ASAP2: variants seen among roughly 807,000 people sequenced by gnomAD.
ASAP2 encodes the protein ArfGAP with SH3 domain, ankyrin repeat and PH domain 2.
In ASAP2, 45 loss-of-function variants were observed where a neutral mutation model predicts 131.4. The observed-to-expected ratio is 0.34, with a 90% CI of 0.27 to 0.44. ASAP2 has a LOEUF of 0.44. Ranked by LOEUF, ASAP2 falls within the 20% of genes least tolerant of loss-of-function variation. ASAP2 has a pLI of 1.00. For missense variants in ASAP2, 1,011 were observed against 1,297.0 expected (o/e 0.78, Z 3.39); for synonymous variants, 510 against 503.0 (o/e 1.01, Z -0.19).
chr2:9,217,820 T>C lies in ASAP2; in HGVS notation c.126+10590T>C, dbSNP rs1243142411. 1.3e-5 allele frequency among the ~76,000 whole-genome samples: 2 copies of C among 151,944 alleles called. No homozygotes were observed. The highest frequency in any genetic ancestry group is 4.8e-5 in the African/African-American group (2 of 41,380). On this transcript the variant is annotated intron_variant, in intron 1 of 27. Coordinates refer to ENST00000281419, the MANE Select transcript of ASAP2 (RefSeq NM_003887.3). The surrounding 1 kb of genome is among the most constrained non-coding windows in gnomAD (Gnocchi z 4.0). ...TAGTAGAGACGGGGTTTCACTGTGT[T>C]AGCCAGGATGGTCTTGATCTCCTGA...
intron 1 of ASAP2, among the ~76,000 whole-genome samples, chr2:9,258,244 C>CAA (rs34722605): frequency 0.052 from 6,758 of 129,542 alleles, 465 homozygotes; most frequent in African/African-American, 0.16. Context: ...TACTTCATCT[C>CAA]AAAAAAAAAA....
rs1195375129 is a variant in ASAP2 at position 9,207,317 on chromosome 2, CT to C, written c.126+90del. The C allele has an allele frequency of 7.0e-7, 1 of 1,426,528 alleles. No homozygotes were observed. The highest frequency in any genetic ancestry group is 9.2e-7 in the Non-Finnish European group (1 of 1,089,754). The allele number at this position is 1,426,528 out of a possible 1,614,324, so 88.4% of individuals were successfully genotyped here. A position where few individuals can be genotyped will look rare whatever the true frequency, so the allele number is the denominator to read the frequency against. ...CTCCCGCATCCGCATCCCGAGAAAA[CT>C]TTCTTTGCTCCGAAGCCGGACGCGG... On this transcript the variant is annotated intron_variant, in intron 1 of 27. Transcript: ENST00000281419. The surrounding 1 kb of genome is among the most constrained non-coding windows in gnomAD (Gnocchi z 4.1).
In ASAP2 at chr2:9,223,797, G is replaced by A. The variant is rs187989888; in HGVS notation, c.126+16567G>A. Among the ~76,000 whole-genome samples the A allele has an allele frequency of 3.7e-3, 567 of 152,242 alleles. 2 individuals are homozygous for A. Among genetic ancestry groups the A allele is most frequent in the African/African-American group, 0.013 (546 of 41,534 alleles). On this transcript the variant is annotated intron_variant, in intron 1 of 27. Coordinates refer to ENST00000281419, the MANE Select transcript of ASAP2 (RefSeq NM_003887.3). ...TACAGCTAAGGCCAATGGGAGGGAG[G>A]GGAAGAGAGGAGTTAGACCAGCTTA...
chr2:9,254,034 C>T lies in ASAP2; in HGVS notation c.127-25283C>T, dbSNP rs74901074. 3.3e-5 allele frequency among the ~76,000 whole-genome samples: 5 copies of T among 150,452 alleles called. No homozygotes were observed. In the South Asian group the frequency reaches 6.3e-4, roughly 19 times the overall value. On this transcript the variant is annotated intron_variant, in intron 1 of 27. Transcript: ENST00000281419. ...CAGCCTGGCCAATATAGTGAAACCC[C>T]GTCTCTACTAAAAATACAAAAATTA...
chr2:9,334,926 A>T lies in ASAP2; in HGVS notation c.762+113A>T. ...TTTTCATGCCGTGCCGCCCACGTGG[A>T]GTGTGGCGTTCCCACGCCTGTCCTC... On this transcript the variant is annotated intron_variant, in intron 8 of 27. Coordinates refer to ENST00000281419, the MANE Select transcript of ASAP2 (RefSeq NM_003887.3). The T allele has an allele frequency of 2.2e-6, 3 of 1,378,940 alleles. No individual in the cohort carries two copies. The South Asian group carries it at 3.6e-5, about 17-fold the overall frequency. The allele number at this position is 1,378,940 out of a possible 1,614,324, so 85.4% of individuals were successfully genotyped here. A position where few individuals can be genotyped will look rare whatever the true frequency, so the allele number is the denominator to read the frequency against.
intron 2 of ASAP2, among the ~76,000 whole-genome samples, chr2:9,291,806 G>T (rs546468350): frequency 1.3e-5 from 2 of 152,234 alleles, no homozygotes; most frequent in East Asian, 3.9e-4. Context: ...CATAAGGCTG[G>T]TGCACCCTGC....
At chr2:9,342,431 T>C (rs1671651707) in intron 9 of ASAP2, among the ~76,000 whole-genome samples, 1 of 152,206 alleles carries the variant, frequency 6.6e-6, no homozygotes, top group Admixed American at 6.5e-5. Context: ...TTCAACAAAT[T>C]GTGCTGGGGC....
chr2:9,380,407 AGGCT>A (rs1373187693), intron 19 of ASAP2, among the ~76,000 whole-genome samples: 3 of 152,142 alleles, frequency 2.0e-5, no homozygotes, highest in African/African-American at 4.8e-5. Context: ...CATGTTGGCC[AGGCT>A]GGTCTCGAAC....
Position 9,286,447 on chromosome 2 carries a change from A to AAAAAAT in ASAP2, c.199+7059_199+7060insAAAATA, listed in dbSNP as rs58605449. Among the ~76,000 whole-genome samples, 281 of 148,462 alleles carry AAAAAAT rather than the reference A, an allele frequency of 1.9e-3. 1 individual carries two copies. The highest frequency in any genetic ancestry group is 6.7e-3 in the African/African-American group (265 of 39,554). ...TTTTTTTTAAAAAAGGAAAAAAAAAAATATATATATATATACTGTATCTGA... is the reference window on the plus strand; with the variant it reads ...TTTTTTTTAAAAAAGGAAAAAAAAAAAAAAATATATATATATATATACTGTATCTGA... On this transcript the variant is annotated intron_variant, in intron 2 of 27. Transcript: ENST00000281419.
chr2:9,214,489 C>T (rs1661851520), intron 1 of ASAP2, among the ~76,000 whole-genome samples: 1 of 152,116 alleles, frequency 6.6e-6, no homozygotes, highest in African/African-American at 2.4e-5. Flanking sequence ...ATCCGCCCAC[C>T]TCGGCCTCAC....
At chr2:9,376,023 A>G (rs1674372696) in intron 17 of ASAP2, among the ~76,000 whole-genome samples, 1 of 152,200 alleles carries the variant, frequency 6.6e-6, no homozygotes. Context: ...TACCCTGTAG[A>G]TGCACATTTG....
intron 25 of ASAP2, among the ~76,000 whole-genome samples, chr2:9,400,450 T>G (rs1376467368): frequency 8.2e-6 from 1 of 121,452 alleles, no homozygotes; most frequent in Non-Finnish European, 1.7e-5. Context: ...CCCTCCTCCC[T>G]CCTGCCATCC....
At chr2:9,264,315 C>T (rs939638191) in intron 1 of ASAP2, among the ~76,000 whole-genome samples, 1 of 152,206 alleles carries the variant, frequency 6.6e-6, no homozygotes, top group Admixed American at 6.5e-5. Context: ...AAAGGTTTTG[C>T]TTCTGCAGGC....
intron 7 of ASAP2, among the ~76,000 whole-genome samples, chr2:9,329,120 A>G (rs894717925): frequency 1.3e-5 from 2 of 152,174 alleles, no homozygotes; most frequent in African/African-American, 2.4e-5. Flanking sequence ...GCCGGCAGAT[A>G]AGGAGTGGGG....
intron 7 of ASAP2, among the ~76,000 whole-genome samples, chr2:9,331,181 C>T (rs962195686): frequency 8.5e-5 from 13 of 152,360 alleles, no homozygotes; most frequent in South Asian, 4.1e-4. Flanking sequence ...TGCTGTGCTC[C>T]GCCAGGGTGA....
intron 16 of ASAP2, among the ~76,000 whole-genome samples, chr2:9,373,971 C>T (rs760597537): frequency 3.3e-5 from 5 of 152,220 alleles, no homozygotes; most frequent in African/African-American, 7.2e-5. Context: ...GACGCACATA[C>T]GTCTCATGGT....
intron 2 of ASAP2, among the ~76,000 whole-genome samples, chr2:9,295,681 T>C (rs1000222457): frequency 6.6e-6 from 1 of 152,234 alleles, no homozygotes; most frequent in African/African-American, 2.4e-5. Flanking sequence ...TATGTTTCTG[T>C]CAGAATTTGT....
intron 3 of ASAP2, among the ~76,000 whole-genome samples, chr2:9,310,581 G>A (rs1488528421): frequency 8.5e-5 from 13 of 152,190 alleles, no homozygotes; most frequent in Non-Finnish European, 1.2e-4. Flanking sequence ...ATTTGACAAA[G>A]CAGAATTACT....
chr2:9,207,679 G>T lies in ASAP2; in HGVS notation c.126+449G>T, dbSNP rs947163764. On this transcript the variant is annotated intron_variant, in intron 1 of 27. Coordinates refer to ENST00000281419, the MANE Select transcript of ASAP2 (RefSeq NM_003887.3). This position sits in a 1 kb window ranked among gnomAD's most constrained non-coding sequence, Gnocchi z 4.1. Reference sequence around the variant, plus strand: ...CGCCGCAGCCCCCGAGCGCCGCAGGGCCCCCACCCTCGGGTCCGCGGGTCC... The same window carrying T: ...CGCCGCAGCCCCCGAGCGCCGCAGGTCCCCCACCCTCGGGTCCGCGGGTCC... Among the ~76,000 whole-genome samples, 1 of 152,028 alleles carries T rather than the reference G, an allele frequency of 6.6e-6. No homozygotes were observed. Among genetic ancestry groups the T allele is most frequent in the African/African-American group, 2.4e-5 (1 of 41,430 alleles).
Sources: allele counts gnomAD v4.1 joint callset (sites outside exome capture counted in the v4.1 genomes callset), GRCh38; gene constraint gnomAD v4.1.1; non-coding constraint Gnocchi (gnomAD v3.1); transcripts MANE v1.5; gene names NCBI Gene and HGNC (gene_info 2026-07-23, HGNC 2026-07-21).